The following TVP23B variants were observed in gnomAD, a reference collection of about 807,000 sequenced individuals.
The protein encoded by TVP23B is trans-golgi network vesicle protein 23 homolog B.
In TVP23B, 10 loss-of-function variants were observed where a neutral mutation model predicts 30.6. The ratio of observed to expected loss-of-function variants is 0.33; its 90% CI spans 0.20 to 0.55. The LOEUF (loss-of-function observed/expected upper bound fraction) is 0.55. Ranked by LOEUF, TVP23B falls within the 20% of genes least tolerant of loss-of-function variation. TVP23B has a pLI of 0.91. For synonymous variants in TVP23B, 67 were observed against 83.1 expected, an observed-to-expected ratio of 0.81 and a Z score of 1.06; for missense variants, 153 against 243.2, an observed-to-expected ratio of 0.63 and a Z score of 2.47.
At chr17:18,787,753 A>G (rs944751396) in intron 1 of TVP23B, among the ~76,000 whole-genome samples, 1 of 152,162 alleles carries the variant, frequency 6.6e-6, no homozygotes, top group African/African-American at 2.4e-5. Context: ...CAATGAAGAC[A>G]GTGTCAGAAG....
chr17:18,782,591 G>C (rs1405849048), intron 1 of TVP23B: 1 of 152,246 alleles, frequency 6.6e-6, no homozygotes, highest in East Asian at 1.9e-4. Context: ...TATTAAGAAA[G>C]TAAAGGAGTG....
intron 2 of TVP23B, 125 bp downstream of exon 2, chr17:18,789,560 A>G (rs762315000): frequency 1.6e-6 from 2 of 1,282,690 alleles, no homozygotes; most frequent in Non-Finnish European, 2.2e-6. Flanking sequence ...GCATGTTGCT[A>G]ATTTGACGTT....
chr17:18,785,140 C>G (rs1420809216), intron 1 of TVP23B, among the ~76,000 whole-genome samples: 1 of 152,162 alleles, frequency 6.6e-6, no homozygotes, highest in Non-Finnish European at 1.5e-5. Context: ...TCTCCCCTCC[C>G]CCTCCAGATT....
chr17:18,789,128 A>T, intron 1 of TVP23B: 1 of 610,074 alleles, frequency 1.6e-6, no homozygotes, highest in South Asian at 2.0e-5. Context: ...GCCTAGGGGC[A>T]GGGATGGAGG....
At chr17:18,782,764 A>T (rs141372352) in intron 1 of TVP23B, among the ~76,000 whole-genome samples, 3 of 151,678 alleles carry the variant, frequency 2.0e-5, no homozygotes, top group Non-Finnish European at 4.4e-5. Context: ...CATGGCGCTG[A>T]TGGGAGTCTA....
At chr17:18,781,517 A>T in intron 1 of TVP23B, 1 of 811,330 alleles carries the variant, frequency 1.2e-6, no homozygotes, top group Non-Finnish European at 1.8e-6. Flanking sequence ...GGCGCAGAGC[A>T]AGTACTTCTT....
intron 3 of TVP23B, among the ~76,000 whole-genome samples, chr17:18,791,924 G>GA (rs1307504074): frequency 1.4e-4 from 21 of 151,716 alleles, no homozygotes; most frequent in Admixed American, 1.3e-3. Flanking sequence ...AAATAGTGGA[G>GA]AAAAAAATCA....
chr17:18,801,304 GCTT>G (rs1162854006), intron 5 of TVP23B, among the ~76,000 whole-genome samples: 8 of 151,960 alleles, frequency 5.3e-5, no homozygotes, highest in Admixed American at 1.3e-4. Context: ...TGTATACTAT[GCTT>G]CTTTTTTCTT....
intron 1 of TVP23B, chr17:18,782,670 T>A (rs1208697069): frequency 6.6e-6 from 1 of 152,220 alleles, no homozygotes; most frequent in Non-Finnish European, 1.5e-5. Context: ...AGTGGTATGG[T>A]TAACAAGGGG....
In TVP23B at chr17:18,804,257, T is replaced by C. The variant is rs1295703261; in HGVS notation, c.582T>C (p.Phe194=). 1 of 1,604,318 alleles carries C rather than the reference T, an allele frequency of 6.2e-7. No individual in the cohort carries two copies. ...CTACTTCATATTTTGGAAAGCAGTT[T>C]TTAAGACAAGTAAGTGTTTTCTGGA... ...SMATSYFGKQ[F]LRQNTGDDQT... The change falls in exon 6 of 7, where the codon TTT becomes TTC. Residue 194 remains phenylalanine (F), a synonymous_variant. Transcript: ENST00000307767.
At chr17:18,790,393 G>A (rs901317797) in intron 2 of TVP23B, among the ~76,000 whole-genome samples, 2 of 150,774 alleles carry the variant, frequency 1.3e-5, no homozygotes, top group African/African-American at 4.9e-5. Flanking sequence ...GAACCCAGGA[G>A]GTGAAGTTTG....
chr17:18,782,838 C>T (rs1048606884), intron 1 of TVP23B, among the ~76,000 whole-genome samples: 3 of 151,578 alleles, frequency 2.0e-5, no homozygotes, highest in African/African-American at 4.9e-5. Context: ...TTGGCTGGCT[C>T]CTTTATTGCA....
In TVP23B at chr17:18,806,624, ATTTG is replaced by A. The variant is rs1485436015; in HGVS notation, c.*1061_*1064del. On this transcript the variant is annotated 3_prime_UTR_variant, in exon 7 of 7. Coordinates refer to ENST00000307767, the MANE Select transcript of TVP23B (RefSeq NM_016078.6). ...CATTGTTAAAATAGTTTTTAAGATT[ATTTG>A]TTTAATTGAATAAGTGTCTTATTGG... 1.5e-5 allele frequency: 3 copies of A among 196,038 alleles called. No homozygotes were observed. The highest frequency in any genetic ancestry group is 7.2e-5 in the African/African-American group (3 of 41,626). The allele number at this position is 196,038 out of a possible 1,614,324, so 12.1% of individuals were successfully genotyped here. A position where few individuals can be genotyped will look rare whatever the true frequency, so the allele number is the denominator to read the frequency against.
chr17:18,789,568 G>A (rs1318115889), intron 2 of TVP23B, 133 bp downstream of exon 2: 6 of 1,204,804 alleles, frequency 5.0e-6, no homozygotes, highest in Admixed American at 2.5e-5. Flanking sequence ...CTAATTTGAC[G>A]TTTAGTGTAC....
intron 1 of TVP23B, 100 bp downstream of exon 1, chr17:18,781,405 A>C: frequency 6.6e-7 from 1 of 1,524,802 alleles, no homozygotes; most frequent in Non-Finnish European, 8.8e-7. Context: ...CGCTACTCGA[A>C]CTCGAGGAGG....
In TVP23B at chr17:18,781,391, C is replaced by A. The variant is rs1462703514; in HGVS notation, c.12+86C>A. 4.6e-6 allele frequency: 7 copies of A among 1,532,148 alleles called. No homozygotes were observed. The East Asian group carries it at 1.5e-4, about 32-fold the overall frequency. The allele number at this position is 1,532,148 out of a possible 1,614,324, so 94.9% of individuals were successfully genotyped here. A position where few individuals can be genotyped will look rare whatever the true frequency, so the allele number is the denominator to read the frequency against. On this transcript the variant is annotated intron_variant, in intron 1 of 6. Transcript: ENST00000307767. ...GTGGGACTGGAGCCCGCGTCCCCCG[C>A]GCCCGCTACTCGAACTCGAGGAGGA...
intron 2 of TVP23B, among the ~76,000 whole-genome samples, chr17:18,790,443 G>A (rs1187164772): frequency 1.4e-5 from 2 of 143,354 alleles, no homozygotes; most frequent in African/African-American, 2.6e-5. Flanking sequence ...CAGCCTGGGC[G>A]ACGGAGCGAG....
intron 3 of TVP23B, chr17:18,796,875 CAG>C (rs1191161071): frequency 2.0e-5 from 3 of 152,346 alleles, no homozygotes; most frequent in African/African-American, 7.2e-5. Context: ...GTTGACTCCT[CAG>C]AGAGTCATTT....
In TVP23B at chr17:18,798,939, G is replaced by A. The variant is rs759257106; in HGVS notation, c.458G>A (p.Trp153Ter). 1.1e-5 allele frequency: 17 copies of A among 1,611,978 alleles called. No individual in the cohort carries two copies. Among genetic ancestry groups the A allele is most frequent in the Non-Finnish European group, 1.4e-5 (16 of 1,179,380 alleles). The change falls in exon 5 of 7, where the codon TGG (tryptophan) becomes TAG (stop). Residue 153 changes from tryptophan to a stop codon, truncating the protein, a stop_gained. Transcript: ENST00000307767. LOFTEE classifies it high-confidence loss of function. ...FSALFSFRVK[W>*]LAVVIMGVVL... ...GCACTCTTCTCCTTCAGAGTAAAGT[G>A]GTTGGTGAGTATCAGTGTAGAACTT...
Sources: allele counts gnomAD v4.1 joint callset (sites outside exome capture counted in the v4.1 genomes callset), GRCh38; gene constraint gnomAD v4.1.1; transcripts MANE v1.5; gene names NCBI Gene and HGNC (gene_info 2026-07-23, HGNC 2026-07-21).